Variants in CDH4 observed in about 807,000 individuals in gnomAD.
CDH4 encodes cadherin 4.
A neutral mutation model predicts 86.0 loss-of-function variants in CDH4; 33 were observed. The observed-to-expected ratio is 0.38, with a 90% CI of 0.29 to 0.51. The LOEUF (loss-of-function observed/expected upper bound fraction) is 0.51. CDH4 is among the 20% of genes least tolerant of loss of function. The pLI is 0.86. For missense variants in CDH4, 1,114 were observed against 1,307.4 expected (o/e 0.85, Z 2.28); for synonymous variants, 555 against 549.4 (o/e 1.01, Z -0.14).
At chr20:61,264,467 T>C (rs375073825) in intron 2 of CDH4, among the ~76,000 whole-genome samples, 1 of 144,174 alleles carries the variant, frequency 6.9e-6, no homozygotes, top group Non-Finnish European at 1.5e-5. Context: ...CATACCCCAG[T>C]GGCTCCTTCA....
At chr20:61,800,413 G>A (rs1465674366) in intron 4 of CDH4, among the ~76,000 whole-genome samples, 1 of 152,250 alleles carries the variant, frequency 6.6e-6, no homozygotes, top group African/African-American at 2.4e-5. Flanking sequence ...CCAGCTTCAG[G>A]GCCACTGTCA....
intron 15 of CDH4, among the ~76,000 whole-genome samples, chr20:61,935,358 C>T (rs1258099440): frequency 6.6e-6 from 1 of 152,240 alleles, no homozygotes; most frequent in Non-Finnish European, 1.5e-5. Context: ...CTACAACTGC[C>T]CACGCAGAAG....
chr20:61,313,037 G>A (rs1198933387), intron 2 of CDH4, among the ~76,000 whole-genome samples: 2 of 152,180 alleles, frequency 1.3e-5, no homozygotes, highest in East Asian at 3.9e-4. Flanking sequence ...CCTGCCCCAG[G>A]GTGGCCCCCA....
chr20:61,504,029 C>G (rs895361943), intron 2 of CDH4, among the ~76,000 whole-genome samples: 1 of 152,212 alleles, frequency 6.6e-6, no homozygotes, highest in Non-Finnish European at 1.5e-5. Context: ...CTCGCCATCC[C>G]TAGACCACAG....
At chr20:61,455,340 C>A (rs1005666075) in intron 2 of CDH4, among the ~76,000 whole-genome samples, 1 of 152,190 alleles carries the variant, frequency 6.6e-6, no homozygotes. Context: ...ACTGCAAACA[C>A]CCACAGCCCA....
At chr20:61,802,608 G>A (rs1391391470) in intron 4 of CDH4, among the ~76,000 whole-genome samples, 4 of 152,230 alleles carry the variant, frequency 2.6e-5, no homozygotes, top group Admixed American at 6.5e-5. Context: ...CCACGCGTGG[G>A]TTTTTCGCTT....
intron 9 of CDH4, 77 bp downstream of exon 9, chr20:61,910,684 A>T (rs112708200): frequency 7.5e-7 from 1 of 1,341,330 alleles, no homozygotes; most frequent in African/African-American, 1.4e-5. Context: ...GTCAAACAGG[A>T]GTGATACTCG....
At chr20:61,741,374 C>T (rs1365562492) in intron 2 of CDH4, among the ~76,000 whole-genome samples, 1 of 152,218 alleles carries the variant, frequency 6.6e-6, no homozygotes, top group Non-Finnish European at 1.5e-5. Context: ...CCTGCAAAGT[C>T]CTTGGTTCAT....
In CDH4 at chr20:61,582,358, A is replaced by G. The variant is rs1323353748; in HGVS notation, c.170-161205A>G. 2.0e-5 allele frequency among the ~76,000 whole-genome samples: 3 copies of G among 152,156 alleles called. No homozygotes were observed. The highest frequency in any genetic ancestry group is 7.2e-5 in the African/African-American group (3 of 41,444). On this transcript the variant is annotated intron_variant, in intron 2 of 15. Coordinates refer to ENST00000614565, the MANE Select transcript of CDH4 (RefSeq NM_001794.5). The surrounding 1 kb of genome is among the most constrained non-coding windows in gnomAD (Gnocchi z 4.2). ...CTCCTTATTGTTCAAGCGCAGTGAAAAAGGCAGCGTGAGCCCTGGGGCTTT... is the reference window on the plus strand; with the variant it reads ...CTCCTTATTGTTCAAGCGCAGTGAAGAAGGCAGCGTGAGCCCTGGGGCTTT...
intron 2 of CDH4, among the ~76,000 whole-genome samples, chr20:61,512,063 T>A (rs2085784239): frequency 6.6e-6 from 1 of 152,198 alleles, no homozygotes; most frequent in Non-Finnish European, 1.5e-5. Context: ...CTGCAAGGAC[T>A]GTAATCAAGC....
chr20:61,374,431 G>T (rs918892806), intron 2 of CDH4, among the ~76,000 whole-genome samples: 2 of 152,118 alleles, frequency 1.3e-5, no homozygotes, highest in South Asian at 2.1e-4. Context: ...TCTGGGAGGG[G>T]CAACTCTGCT....
chr20:61,308,917 CAGG>C (rs1437929576), intron 2 of CDH4, among the ~76,000 whole-genome samples: 4 of 152,196 alleles, frequency 2.6e-5, no homozygotes, highest in African/African-American at 9.6e-5. Flanking sequence ...CTGTGGTTTG[CAGG>C]AGAATTGATT....
At chr20:61,768,358 ATG>A (rs2088727328) in intron 3 of CDH4, among the ~76,000 whole-genome samples, 1 of 152,148 alleles carries the variant, frequency 6.6e-6, no homozygotes, top group Non-Finnish European at 1.5e-5. Context: ...ATATATCTAT[ATG>A]TGCATGTGCG....
intron 5 of CDH4, among the ~76,000 whole-genome samples, chr20:61,847,627 A>T (rs779702678): frequency 2.0e-5 from 3 of 152,242 alleles, no homozygotes; most frequent in Non-Finnish European, 2.9e-5. Context: ...GAAATACCTG[A>T]GGCTGCGTAA....
rs951039419 is a variant in CDH4 at position 61,501,053 on chromosome 20, G to A, written c.170-242510G>A. Among the ~76,000 whole-genome samples, 2 of 152,220 alleles carry A rather than the reference G, an allele frequency of 1.3e-5. No homozygotes were observed. The highest frequency in any genetic ancestry group is 2.1e-4 in the South Asian group (1 of 4,834). On this transcript the variant is annotated intron_variant, in intron 2 of 15. Transcript: ENST00000614565. This position sits in a 1 kb window ranked among gnomAD's most constrained non-coding sequence, Gnocchi z 4.2. ...AATGGCTCTGGTGAAATGGGGAGGAGAGAACTTTCTTCTCCGACAGACGGT... is the reference window on the plus strand; with the variant it reads ...AATGGCTCTGGTGAAATGGGGAGGAAAGAACTTTCTTCTCCGACAGACGGT...
chr20:61,281,957 A>C (rs1223669934), intron 2 of CDH4, among the ~76,000 whole-genome samples: 3 of 152,226 alleles, frequency 2.0e-5, no homozygotes, highest in Non-Finnish European at 4.4e-5. Context: ...GGGAGTGGCC[A>C]GAGAACAGCA....
chr20:61,667,799 C>G (rs1206334684), intron 2 of CDH4, among the ~76,000 whole-genome samples: 1 of 152,184 alleles, frequency 6.6e-6, no homozygotes, highest in South Asian at 2.1e-4. Flanking sequence ...CCTGGACAAG[C>G]AGGCCAGGAA....
rs571405370 is a variant in CDH4 at position 61,642,706 on chromosome 20, C to A, written c.170-100857C>A. On this transcript the variant is annotated intron_variant, in intron 2 of 15. Coordinates refer to ENST00000614565, the MANE Select transcript of CDH4 (RefSeq NM_001794.5). ...ACAGTCCTGTAGGTCAGAAGTCTTA[C>A]AGGGCTATAATCCAGGTGTCTGCAG... Among the ~76,000 whole-genome samples, 35 of 152,316 alleles carry A rather than the reference C, an allele frequency of 2.3e-4. 1 individual carries two copies. In the South Asian group the frequency reaches 2.7e-3, roughly 12 times the overall value.
chr20:61,923,181 C>T (rs1231540866), intron 9 of CDH4, among the ~76,000 whole-genome samples: 1 of 152,338 alleles, frequency 6.6e-6, no homozygotes, highest in East Asian at 1.9e-4. Context: ...CAGGAGGAGC[C>T]CAGCTTCTGC....
Sources: gnomAD v4.1 joint callset for allele counts (sites outside exome capture counted in the v4.1 genomes callset) on GRCh38, gnomAD v4.1.1 for gene constraint, Gnocchi (gnomAD v3.1) non-coding constraint, MANE v1.5 for transcripts, NCBI Gene and HGNC (gene_info 2026-07-23, HGNC 2026-07-21) for gene names.